ITGB5: variants seen among roughly 807,000 people sequenced by gnomAD.
ITGB5 encodes the protein integrin beta-5.
In ITGB5, 38 loss-of-function variants were observed where a neutral mutation model predicts 84.8. The observed-to-expected ratio is 0.45, with a 90% CI of 0.35 to 0.59. The LOEUF (loss-of-function observed/expected upper bound fraction) is 0.59, where lower values mean the gene tolerates loss of function less well. ITGB5 is among the 20% of genes least tolerant of loss of function. ITGB5 has a pLI of 0.01. For missense variants in ITGB5, 905 were observed against 1,034.5 expected, an observed-to-expected ratio of 0.87 and a Z score of 1.72; for synonymous variants, 393 against 414.4, an observed-to-expected ratio of 0.95 and a Z score of 0.63.
chr3:124,810,756 A>G (rs1310058002), intron 8 of ITGB5, among the ~76,000 whole-genome samples: 1 of 152,146 alleles, frequency 6.6e-6, no homozygotes. Context: ...TATACACTCA[A>G]CACAGAGTAT....
chr3:124,780,449 CTG>C (rs1352606323), intron 10 of ITGB5, among the ~76,000 whole-genome samples: 1 of 152,240 alleles, frequency 6.6e-6, no homozygotes, highest in Non-Finnish European at 1.5e-5. Context: ...CTCTCCATAG[CTG>C]GCTCAAAAAT....
At chr3:124,883,533 G>A (rs553027375) in intron 1 of ITGB5, among the ~76,000 whole-genome samples, 12 of 152,310 alleles carry the variant, frequency 7.9e-5, no homozygotes, top group African/African-American at 2.9e-4. Context: ...CCTACAGAGA[G>A]CTGCAGACCC....
At chr3:124,772,465 C>T (rs1008637580) in intron 11 of ITGB5, among the ~76,000 whole-genome samples, 2 of 152,160 alleles carry the variant, frequency 1.3e-5, no homozygotes, top group Admixed American at 6.5e-5. Flanking sequence ...ATTATCAGCC[C>T]GAGCCAGACA....
At chr3:124,820,961 A>C (rs2064692504) in intron 6 of ITGB5, among the ~76,000 whole-genome samples, 1 of 152,058 alleles carries the variant, frequency 6.6e-6, no homozygotes, top group Non-Finnish European at 1.5e-5. Flanking sequence ...ACCAGTTGTG[A>C]CTTCTGCAGG....
chr3:124,882,222 A>AGG, intron 1 of ITGB5, among the ~76,000 whole-genome samples: 1 of 152,250 alleles, frequency 6.6e-6, no homozygotes, highest in Non-Finnish European at 1.5e-5. Flanking sequence ...AGACTCCCTT[A>AGG]TTCACGGAGC....
At chr3:124,843,127 C>T (rs1178147755) in intron 4 of ITGB5, among the ~76,000 whole-genome samples, 1 of 152,188 alleles carries the variant, frequency 6.6e-6, no homozygotes, top group Non-Finnish European at 1.5e-5. Flanking sequence ...ACCTCAGCCT[C>T]GGGCCACCCA....
intron 1 of ITGB5, chr3:124,878,752 CAG>C (rs947065536): frequency 6.6e-6 from 1 of 152,180 alleles, no homozygotes; most frequent in Non-Finnish European, 1.5e-5. Flanking sequence ...ATTAATATTT[CAG>C]AGTTTGGACT....
At chr3:124,883,902 A>G (rs946705854) in intron 1 of ITGB5, among the ~76,000 whole-genome samples, 4 of 152,150 alleles carry the variant, frequency 2.6e-5, no homozygotes, top group African/African-American at 4.8e-5. Flanking sequence ...AGCAGGAGAT[A>G]GCCCTTGGTG....
At chr3:124,868,618 CAAAAAAAAAAAAA>C (rs67873873) in intron 2 of ITGB5, among the ~76,000 whole-genome samples, 9 of 68,146 alleles carry the variant, frequency 1.3e-4, no homozygotes, top group Non-Finnish European at 2.3e-4. Flanking sequence ...TGTTCTCTAC[CAAAAAAAAAAAAA>C]AAAAAAAAAA....
At chr3:124,889,778 C>T (rs1293797092), upstream of ITGB5, among the ~76,000 whole-genome samples, 16 of 152,142 alleles carry the variant, frequency 1.1e-4, no homozygotes, top group Non-Finnish European at 2.4e-4. Flanking sequence ...CTTTGGGAGA[C>T]CCAGTCGGGT....
At position 124,874,323 on chromosome 3, in the gene ITGB5, A is replaced by AAAG. The variant is rs1297655134; in HGVS notation, c.71-793_71-792insCTT. Among the ~76,000 whole-genome samples, 4 of 151,160 alleles carry AAAG rather than the reference A, an allele frequency of 2.6e-5. No individual in the cohort carries two copies. In the East Asian group the frequency reaches 5.8e-4, roughly 22 times the overall value. On this transcript the variant is annotated intron_variant, in intron 1 of 14. Coordinates refer to ENST00000296181, the MANE Select transcript of ITGB5 (RefSeq NM_002213.5). ...AAAAGCCGGAAAAAAAAAAAAAAAA[A>AAAG]AAAGAAAGAAAGAAAAAGAAACTGA...
chr3:124,856,350 G>A (rs1241272803), intron 3 of ITGB5, among the ~76,000 whole-genome samples: 3 of 152,200 alleles, frequency 2.0e-5, no homozygotes, highest in Non-Finnish European at 4.4e-5. Context: ...TCTTGTCTAA[G>A]TTAAGTCTAT....
intron 1 of ITGB5, among the ~76,000 whole-genome samples, chr3:124,896,581 C>T (rs368386473): frequency 6.6e-5 from 10 of 151,338 alleles, no homozygotes; most frequent in Admixed American, 3.3e-4. Flanking sequence ...GGTGAAAGCT[C>T]GTCTCATGAA....
chr3:124,882,495 G>A (rs1183711670), intron 1 of ITGB5, among the ~76,000 whole-genome samples: 2 of 152,210 alleles, frequency 1.3e-5, no homozygotes, highest in Non-Finnish European at 2.9e-5. Context: ...CAGGCAGGGA[G>A]AAGGGCTGCC....
At chr3:124,796,873 T>C in intron 9 of ITGB5, 56 bp from the exon 10 acceptor site, 1 of 1,524,228 alleles carries the variant, frequency 6.6e-7, no homozygotes, top group South Asian at 1.3e-5. Flanking sequence ...GGTCTCCCAT[T>C]CACCCAGGGG....
intron 10 of ITGB5, among the ~76,000 whole-genome samples, chr3:124,795,055 G>A (rs180948748): frequency 5.3e-5 from 8 of 152,220 alleles, no homozygotes; most frequent in Admixed American, 5.2e-4. Flanking sequence ...AGAGACTTGG[G>A]GTGTCTAGCC....
chr3:124,870,626 C>G (rs1933967390), intron 2 of ITGB5, among the ~76,000 whole-genome samples: 1 of 151,638 alleles, frequency 6.6e-6, no homozygotes, highest in African/African-American at 2.4e-5. Context: ...ACTCAGGAGG[C>G]TGAGGCAGAG....
chr3:124,834,113 G>A lies in ITGB5; in HGVS notation c.780+7270C>T, dbSNP rs143569207. ...GTGGAGCACAGGGACTTCCGGGGCA[G>A]GGAAGCTACTCTGTGTGATATTTAA... On this transcript the variant is annotated intron_variant, in intron 5 of 14. Transcript: ENST00000296181. 2.9e-4 allele frequency among the ~76,000 whole-genome samples: 44 copies of A among 152,270 alleles called. No homozygotes were observed. The East Asian group carries it at 8.1e-3, about 28-fold the overall frequency.
intron 12 of ITGB5, among the ~76,000 whole-genome samples, chr3:124,768,479 G>C (rs746406004): frequency 2.6e-5 from 4 of 152,152 alleles, no homozygotes; most frequent in Non-Finnish European, 5.9e-5. Context: ...TCTCTGTGTT[G>C]GACATTTCAT....
Sources: gnomAD v4.1 joint callset for allele counts (sites outside exome capture counted in the v4.1 genomes callset) on GRCh38, gnomAD v4.1.1 for gene constraint, MANE v1.5 for transcripts, NCBI Gene and HGNC (gene_info 2026-07-23, HGNC 2026-07-21) for gene names.